The following TTLL7 variants were observed in gnomAD, a reference collection of about 807,000 sequenced individuals.
The protein encoded by TTLL7 is tubulin polyglutamylase TTLL7.
In TTLL7, 53 loss-of-function variants were observed where a neutral mutation model predicts 120.2. That is an observed-to-expected ratio of 0.44 (90% CI 0.35 to 0.55). The LOEUF (loss-of-function observed/expected upper bound fraction) is 0.55. Among genes scored for constraint, TTLL7 ranks in the 20% least tolerant of loss-of-function variants. The pLI, the probability that TTLL7 is intolerant of heterozygous loss-of-function variation, is 0.00. For missense variants in TTLL7, 803 were observed against 1,054.7 expected (o/e 0.76, Z 3.31); for synonymous variants, 353 against 351.7 (o/e 1.00, Z -0.04).
chr1:83,924,636 G>C (rs1658962238), intron 10 of TTLL7, among the ~76,000 whole-genome samples: 1 of 152,170 alleles, frequency 6.6e-6, no homozygotes, highest in African/African-American at 2.4e-5. Flanking sequence ...GACTTCCAGA[G>C]ATGGATGGTG....
At chr1:83,948,405 CT>C (rs1051625379) in intron 5 of TTLL7, among the ~76,000 whole-genome samples, 38 of 152,236 alleles carry the variant, frequency 2.5e-4, no homozygotes, top group African/African-American at 8.2e-4. Context: ...TAACAATTTG[CT>C]TGAGCTTGTG....
At chr1:83,984,090 CA>C (rs34647942) in intron 1 of TTLL7, 9 of 148,372 alleles carry the variant, frequency 6.1e-5, no homozygotes, top group East Asian at 2.0e-4. Flanking sequence ...GACCCTGTTT[CA>C]AAAAAAAAAT....
chr1:83,884,870 T>TAAA (rs1654851100), intron 19 of TTLL7, among the ~76,000 whole-genome samples: 1 of 151,692 alleles, frequency 6.6e-6, no homozygotes, highest in Non-Finnish European at 1.5e-5. Context: ...ACTTAAAGTA[T>TAAA]AATAATAATA....
At chr1:83,901,395 G>C (rs1419055920) in intron 18 of TTLL7, among the ~76,000 whole-genome samples, 1 of 151,922 alleles carries the variant, frequency 6.6e-6, no homozygotes, top group Non-Finnish European at 1.5e-5. Flanking sequence ...AATTGCTTCA[G>C]TACCACTTAG....
chr1:83,988,365 TG>T (rs763155822), intron 1 of TTLL7, among the ~76,000 whole-genome samples: 7 of 152,246 alleles, frequency 4.6e-5, no homozygotes, highest in Non-Finnish European at 1.0e-4. Context: ...TGTATCTTTT[TG>T]GTAGAACAAC....
At chr1:83,947,436 G>A (rs1648611751) in intron 5 of TTLL7, 154 bp from the exon 6 acceptor site, 1 of 663,648 alleles carries the variant, frequency 1.5e-6, no homozygotes, top group African/African-American at 1.9e-5. Flanking sequence ...AATGTCTACT[G>A]AGCACCTATT....
chr1:83,977,246 C>T (rs1478162362), intron 1 of TTLL7, among the ~76,000 whole-genome samples: 1 of 151,690 alleles, frequency 6.6e-6, no homozygotes, highest in Non-Finnish European at 1.5e-5. Context: ...ATTTACTTAG[C>T]ATTAGAAGAA....
chr1:83,943,454 T>C (rs1431987845), intron 6 of TTLL7, among the ~76,000 whole-genome samples: 2 of 152,162 alleles, frequency 1.3e-5, no homozygotes, highest in African/African-American at 4.8e-5. Flanking sequence ...AAATTATTTG[T>C]TTGCATGTTA....
At chr1:83,991,296 C>A (rs1652978638) in intron 1 of TTLL7, among the ~76,000 whole-genome samples, 1 of 152,132 alleles carries the variant, frequency 6.6e-6, no homozygotes, top group African/African-American at 2.4e-5. Context: ...ATAATGTGAA[C>A]TGTATACCTC....
chr1:83,919,854 A>G lies in TTLL7; in HGVS notation c.1365-20T>C, dbSNP rs376047833. On this transcript the variant is annotated intron_variant, in intron 12 of 20. Transcript: ENST00000260505. The stretch of plus-strand genomic sequence containing the variant: ...ATTCGTCTACAACAAAATCAGATAA[A>G]CCAATTTTTTAAAAAGAAGCTGTCG... The G allele has an allele frequency of 6.2e-7, 1 of 1,603,438 alleles. No homozygotes were observed. Among genetic ancestry groups the G allele is most frequent in the Non-Finnish European group, 8.5e-7 (1 of 1,175,682 alleles).
At chr1:83,911,054 G>T in intron 15 of TTLL7, 111 bp downstream of exon 15, 1 of 820,998 alleles carries the variant, frequency 1.2e-6, no homozygotes, top group Non-Finnish European at 2.0e-6. Flanking sequence ...TGGAATCCAG[G>T]TCTCCTCACA....
At position 83,868,090 on chromosome 1, in the gene TTLL7, A is replaced by G. The variant is rs544890754; in HGVS notation, c.*1872T>C. 1 of 152,280 alleles carries G rather than the reference A, an allele frequency of 6.6e-6. No individual in the cohort carries two copies. The highest frequency in any genetic ancestry group is 2.1e-4 in the South Asian group (1 of 4,834). 9.4% of individuals were successfully genotyped at this position (152,280 alleles called of 1,614,324 possible). Reference sequence around the variant, plus strand: ...AAATAAACAAATCATTTCAGCCTAAAAAAGGCTCAGAAGATGGCTTGAAAA... The same window carrying G: ...AAATAAACAAATCATTTCAGCCTAAGAAAGGCTCAGAAGATGGCTTGAAAA... On this transcript the variant is annotated 3_prime_UTR_variant, in exon 21 of 21. Transcript: ENST00000260505.
intron 18 of TTLL7, among the ~76,000 whole-genome samples, chr1:83,903,766 T>C (rs757509374): frequency 2.4e-4 from 36 of 152,032 alleles, no homozygotes; most frequent in Non-Finnish European, 4.3e-4. Flanking sequence ...CCCTGGTTGG[T>C]TGCATCCATG....
intron 1 of TTLL7, among the ~76,000 whole-genome samples, chr1:83,985,389 C>T (rs1652349195): frequency 6.6e-6 from 1 of 152,216 alleles, no homozygotes; most frequent in Non-Finnish European, 1.5e-5. Flanking sequence ...CTTCTTCTGG[C>T]TGCTTTGTTC....
chr1:83,962,560 A>G (rs891336008), intron 1 of TTLL7, among the ~76,000 whole-genome samples: 1 of 152,172 alleles, frequency 6.6e-6, no homozygotes, highest in Non-Finnish European at 1.5e-5. Context: ...CCTAACAGCC[A>G]TTCACTAGTT....
chr1:83,920,250 G>T (rs1294722397), intron 12 of TTLL7, among the ~76,000 whole-genome samples: 1 of 152,082 alleles, frequency 6.6e-6, no homozygotes, highest in Admixed American at 6.6e-5. Context: ...GGTTTAGTTG[G>T]GGGGAAATGG....
chr1:83,879,413 C>T (rs1218145389), intron 20 of TTLL7, among the ~76,000 whole-genome samples: 1 of 151,956 alleles, frequency 6.6e-6, no homozygotes, highest in Non-Finnish European at 1.5e-5. Flanking sequence ...AACAGGCATG[C>T]TTGGCTCAGC....
chr1:83,906,304 C>CTGGTAG, intron 17 of TTLL7, 25 bp downstream of exon 17: 2 of 1,587,992 alleles, frequency 1.3e-6, no homozygotes, highest in Non-Finnish European at 1.7e-6. Context: ...AGCTCCTTGG[C>CTGGTAG]ATTTTAGATA....
At chr1:83,996,867 CTT>C (rs560347085) in intron 1 of TTLL7, among the ~76,000 whole-genome samples, 15 of 143,278 alleles carry the variant, frequency 1.0e-4, no homozygotes, top group East Asian at 2.0e-4. Context: ...ATGCACTTTC[CTT>C]TTTTTTTTTT....
Sources: gnomAD v4.1 joint callset for allele counts (sites outside exome capture counted in the v4.1 genomes callset) on GRCh38, gnomAD v4.1.1 for gene constraint, MANE v1.5 for transcripts, NCBI Gene and HGNC (gene_info 2026-07-23, HGNC 2026-07-21) for gene names.